ZSCAN30: variants seen among roughly 807,000 people sequenced by gnomAD.
ZSCAN30 encodes the protein zinc finger and SCAN domain-containing protein 30.
Under a neutral mutation model 44.3 loss-of-function variants are expected in ZSCAN30, and 37 were observed. The observed-to-expected ratio is 0.84, with a 90% CI of 0.64 to 1.10. The LOEUF (loss-of-function observed/expected upper bound fraction) is 1.10. Ranked by LOEUF, ZSCAN30 falls within the 50% of genes least tolerant of loss-of-function variation. ZSCAN30 has a pLI of 0.00. For synonymous variants in ZSCAN30, 181 were observed against 204.6 expected (o/e 0.88, Z 0.98); for missense variants, 549 against 582.6 (o/e 0.94, Z 0.59).
chr18:35,273,311 A>G (rs187573079), intron 1 of ZSCAN30, among the ~76,000 whole-genome samples: 5 of 152,234 alleles, frequency 3.3e-5, no homozygotes, highest in African/African-American at 2.4e-5. Context: ...CCTTTTTGTG[A>G]CTGGCTTATT....
At chr18:35,273,969 T>G (rs28641659) in intron 1 of ZSCAN30, among the ~76,000 whole-genome samples, 5 of 152,192 alleles carry the variant, frequency 3.3e-5, no homozygotes, top group Admixed American at 3.3e-4. Flanking sequence ...TGGTTATCTT[T>G]TATCAGGAAT....
intron 3 of ZSCAN30, among the ~76,000 whole-genome samples, chr18:35,259,942 G>C (rs563143006): frequency 6.6e-6 from 1 of 152,194 alleles, no homozygotes; most frequent in Non-Finnish European, 1.5e-5. Context: ...TGCCATGGTG[G>C]TTTGCTGCAC....
chr18:35,263,411 C>T (rs1229909486), intron 3 of ZSCAN30, 102 bp downstream of exon 3: 2 of 1,467,792 alleles, frequency 1.4e-6, no homozygotes, highest in Non-Finnish European at 1.9e-6. Flanking sequence ...TTCCACAATA[C>T]TTAGTGATAG....
At position 35,263,672 on chromosome 18, in the gene ZSCAN30, G is replaced by C. The variant is rs1162770607; in HGVS notation, c.409-15C>G. On this transcript the variant is annotated splice_polypyrimidine_tract_variant and intron_variant, in intron 2 of 3. Coordinates refer to ENST00000333206, the MANE Select transcript of ZSCAN30 (RefSeq NM_001112734.4). ...TGAGTTGTGTCCTAGGAGTAATCAA[G>C]TACCAGCACTATCATTCTGAGGATA... 1 of 1,613,698 alleles carries C rather than the reference G, an allele frequency of 6.2e-7. No individual in the cohort carries two copies. The highest frequency in any genetic ancestry group is 1.1e-5 in the South Asian group (1 of 91,078).
intron 1 of ZSCAN30, among the ~76,000 whole-genome samples, chr18:35,273,706 C>T (rs999184124): frequency 5.3e-5 from 8 of 152,092 alleles, no homozygotes; most frequent in Non-Finnish European, 5.9e-5. Flanking sequence ...ATTTCATTGG[C>T]CTGTATGTCT....
intron 1 of ZSCAN30, among the ~76,000 whole-genome samples, chr18:35,277,077 T>C (rs2044379206): frequency 6.6e-6 from 1 of 152,216 alleles, no homozygotes; most frequent in Admixed American, 6.5e-5. Flanking sequence ...ACTGCTCCAA[T>C]GGATTTCAGA....
Position 35,253,568 on chromosome 18 carries a change from A to G in ZSCAN30, c.1367T>C (p.Leu456Pro). 1 of 1,614,056 alleles carries G rather than the reference A, an allele frequency of 6.2e-7. No individual in the cohort carries two copies. Among genetic ancestry groups the G allele is most frequent in the African/African-American group, 1.3e-5 (1 of 75,016 alleles). ...CGKSFNQSSALTQHQRIHTGE... is the reference protein window; with the variant it reads ...CGKSFNQSSAPTQHQRIHTGE... ...AGTGTGAATTCTCTGGTGCTGGGTG[A>G]GGGCTGAGCTCTGATTGAAGGATTT... Residue 456 changes from leucine (L) to proline (P), a missense_variant, in exon 4 of 4, where the codon CTC (leucine) becomes CCC (proline). Leu to Pro is a moderately conservative substitution (Grantham distance 98). Transcript: ENST00000333206.
chr18:35,279,900 T>A (rs1373012034), intron 1 of ZSCAN30, among the ~76,000 whole-genome samples: 1 of 152,150 alleles, frequency 6.6e-6, no homozygotes, highest in Non-Finnish European at 1.5e-5. Flanking sequence ...TCACAGGTAA[T>A]GGAGGTTAGG....
At chr18:35,289,005 T>A (rs755828635) in intron 1 of ZSCAN30, among the ~76,000 whole-genome samples, 1 of 152,126 alleles carries the variant, frequency 6.6e-6, no homozygotes. Context: ...TCTCGCTTTG[T>A]CACCCAGGCT....
intron 1 of ZSCAN30, chr18:35,289,281 AG>A (rs1455765886): frequency 6.6e-6 from 1 of 152,188 alleles, no homozygotes; most frequent in Non-Finnish European, 1.5e-5. Flanking sequence ...CCAAAAAGAA[AG>A]CTGTTTTTTT....
chr18:35,262,523 G>C (rs1042245592), intron 3 of ZSCAN30: 3 of 152,200 alleles, frequency 2.0e-5, no homozygotes, highest in Non-Finnish European at 2.9e-5. Context: ...GGGTTGCAGA[G>C]GAACTGGAAG....
intron 1 of ZSCAN30, among the ~76,000 whole-genome samples, chr18:35,274,899 C>A (rs1396412203): frequency 1.3e-5 from 2 of 152,142 alleles, no homozygotes; most frequent in Non-Finnish European, 1.5e-5. Flanking sequence ...AAGATAGTAT[C>A]TTTTGAAGAA....
intron 1 of ZSCAN30, among the ~76,000 whole-genome samples, chr18:35,275,387 G>C (rs1282987807): frequency 1.4e-4 from 21 of 152,132 alleles, no homozygotes; most frequent in Non-Finnish European, 1.8e-4. Flanking sequence ...GCTCACCTTT[G>C]CACGAAGTTT....
At chr18:35,257,233 G>A (rs1227107853) in intron 3 of ZSCAN30, 1 of 152,284 alleles carries the variant, frequency 6.6e-6, no homozygotes, top group Non-Finnish European at 1.5e-5. Flanking sequence ...ATATTGACGA[G>A]TATGCTTTTA....
intron 1 of ZSCAN30, among the ~76,000 whole-genome samples, chr18:35,274,315 G>A (rs1251764794): frequency 6.6e-6 from 1 of 152,058 alleles, no homozygotes; most frequent in Non-Finnish European, 1.5e-5. Context: ...GGGATTATAG[G>A]CATGAGCCAC....
chr18:35,253,492 C>A lies in ZSCAN30; in HGVS notation c.1443G>T (p.Arg481Ser), dbSNP rs775673779. 1.2e-6 allele frequency: 2 copies of A among 1,606,926 alleles called. No individual in the cohort carries two copies. Among genetic ancestry groups the A allele is most frequent in the Non-Finnish European group, 1.7e-6 (2 of 1,175,530 alleles). ...CSECRKTFRH[R>S]SGLMQHQRTH... Reference sequence around the variant, plus strand: ...TTCTCTGATGCTGCATAAGGCCTGACCTATGCCTAAATGTTTTTCTACATT... The same window carrying A: ...TTCTCTGATGCTGCATAAGGCCTGAACTATGCCTAAATGTTTTTCTACATT... The change falls in exon 4 of 4, where the codon AGG (arginine) becomes AGT (serine). Residue 481 changes from arginine (R) to serine (S), a missense_variant. Arg to Ser is a moderately radical substitution (Grantham distance 110). Coordinates refer to ENST00000333206, the MANE Select transcript of ZSCAN30 (RefSeq NM_001112734.4).
chr18:35,280,807 G>A (rs2044442630), intron 1 of ZSCAN30: 1 of 152,214 alleles, frequency 6.6e-6, no homozygotes, highest in Non-Finnish European at 1.5e-5. Context: ...TTGTTAATAT[G>A]AGCAAAAGGC....
At chr18:35,255,296 C>T (rs2043764670) in intron 3 of ZSCAN30, among the ~76,000 whole-genome samples, 1 of 151,450 alleles carries the variant, frequency 6.6e-6, no homozygotes, top group South Asian at 2.1e-4. Flanking sequence ...CATATTATGT[C>T]AGCCATCTAC....
chr18:35,278,082 G>A (rs1283006862), intron 1 of ZSCAN30, among the ~76,000 whole-genome samples: 2 of 110,080 alleles, frequency 1.8e-5, no homozygotes, highest in Non-Finnish European at 4.0e-5. Context: ...TTCTTCTTTG[G>A]ATCATGGTTA....
Sources: allele counts gnomAD v4.1 joint callset (sites outside exome capture counted in the v4.1 genomes callset), GRCh38; gene constraint gnomAD v4.1.1; transcripts MANE v1.5; gene names NCBI Gene and HGNC (gene_info 2026-07-23, HGNC 2026-07-21).